NOS1AP: variants seen among roughly 807,000 people sequenced by gnomAD.
NOS1AP encodes carboxyl-terminal PDZ ligand of neuronal nitric oxide synthase protein.
Under a neutral mutation model 56.2 loss-of-function variants are expected in NOS1AP, and 21 were observed. The ratio of observed to expected loss-of-function variants is 0.37; its 90% CI spans 0.26 to 0.54. NOS1AP has a LOEUF of 0.54. Among genes scored for constraint, NOS1AP ranks in the 20% least tolerant of loss-of-function variants. The probability of loss-of-function intolerance (pLI) is 0.84; values close to 1 mark genes in which losing one functional copy is unlikely to be tolerated. For synonymous variants in NOS1AP, 270 were observed against 274.6 expected (o/e 0.98, Z 0.17); for missense variants, 522 against 657.8 (o/e 0.79, Z 2.26).
chr1:162,153,232 A>T (rs2102093569), intron 1 of NOS1AP, among the ~76,000 whole-genome samples: 2 of 152,298 alleles, frequency 1.3e-5, no homozygotes, highest in East Asian at 3.9e-4. Context: ...GGGTTCAAGC[A>T]ATTCTCATGC....
intron 1 of NOS1AP, among the ~76,000 whole-genome samples, chr1:162,073,613 AC>A (rs1691707560): frequency 6.6e-6 from 1 of 152,176 alleles, no homozygotes; most frequent in African/African-American, 2.4e-5. Flanking sequence ...GGCATGCGCC[AC>A]CATGCCCAGC....
intron 2 of NOS1AP, among the ~76,000 whole-genome samples, chr1:162,212,841 G>A (rs568198904): frequency 2.1e-5 from 3 of 145,358 alleles, no homozygotes; most frequent in South Asian, 2.3e-4. Flanking sequence ...GGCTGCTGCC[G>A]TGTAGCTTCT....
At chr1:162,246,327 A>G (rs1653662221) in intron 2 of NOS1AP, among the ~76,000 whole-genome samples, 1 of 152,190 alleles carries the variant, frequency 6.6e-6, no homozygotes, top group African/African-American at 2.4e-5. Context: ...ATGTGCAGGG[A>G]CAGTACAGAG....
At chr1:162,072,002 G>C (rs1259860318) in intron 1 of NOS1AP, among the ~76,000 whole-genome samples, 2 of 152,020 alleles carry the variant, frequency 1.3e-5, no homozygotes, top group African/African-American at 4.8e-5. Flanking sequence ...AGAGACTGCA[G>C]TGAGTTATGA....
At chr1:162,192,014 G>A (rs1651663281) in intron 2 of NOS1AP, among the ~76,000 whole-genome samples, 1 of 152,062 alleles carries the variant, frequency 6.6e-6, no homozygotes, top group Non-Finnish European at 1.5e-5. Flanking sequence ...AGTGTTTTTG[G>A]GCTCCCACCT....
rs778782133 is a variant in NOS1AP, at chr1:162,333,035, T to C, written c.363T>C (p.His121=). Residue 121 remains histidine (H), a synonymous_variant, in exon 5 of 10, where the codon CAT becomes CAC. Coordinates refer to ENST00000361897, the MANE Select transcript of NOS1AP (RefSeq NM_014697.3). ...DPIYRIFYVS[H]DSQDLKIFSY... ...CCTTTAGGATCTTCTATGTCTCTCA[T>C]GATTCCCAAGACTTGAAGATCTTCA... The C allele has an allele frequency of 1.7e-5, 27 of 1,613,270 alleles. No individual in the cohort carries two copies. Among genetic ancestry groups the C allele is most frequent in the Non-Finnish European group, 2.2e-5 (26 of 1,179,296 alleles).
chr1:162,325,637 G>A (rs558913004), intron 4 of NOS1AP, among the ~76,000 whole-genome samples: 24 of 152,100 alleles, frequency 1.6e-4, no homozygotes, highest in South Asian at 1.2e-3. Flanking sequence ...TCACAGTTAG[G>A]CCTCATTTAT....
At chr1:162,203,351 A>G (rs75178658) in intron 2 of NOS1AP, among the ~76,000 whole-genome samples, 3,115 of 152,324 alleles carry the variant, frequency 0.02, 34 homozygotes, top group Middle Eastern at 0.058. Context: ...ATTTTCATCC[A>G]GATTCCACTA....
In NOS1AP at chr1:162,070,102, T is replaced by G; in HGVS notation, c.-76T>G. The G allele has an allele frequency of 8.3e-7, 1 of 1,210,152 alleles. No individual in the cohort carries two copies. The allele number at this position is 1,210,152 out of a possible 1,614,324, so 75.0% of individuals were successfully genotyped here. A position where few individuals can be genotyped will look rare whatever the true frequency, so the allele number is the denominator to read the frequency against. ...CACGCGTCGCCGCGCCCAGCTCCAG[T>G]CTCCCCTCCCCGGGGTCTCGCCAGC... On this transcript the variant is annotated 5_prime_UTR_variant, in exon 1 of 10. Coordinates refer to ENST00000361897, the MANE Select transcript of NOS1AP (RefSeq NM_014697.3).
chr1:162,310,339 G>A (rs755770752), intron 4 of NOS1AP, among the ~76,000 whole-genome samples: 19 of 152,214 alleles, frequency 1.2e-4, no homozygotes, highest in Admixed American at 2.0e-4. Flanking sequence ...AAGGTTGAGT[G>A]TTTTCTCTTC....
intron 2 of NOS1AP, among the ~76,000 whole-genome samples, chr1:162,192,374 A>T (rs1023314160): frequency 3.3e-5 from 5 of 152,106 alleles, no homozygotes; most frequent in Non-Finnish European, 5.9e-5. Context: ...TTCAAAAGGG[A>T]TGATGTATGG....
intron 1 of NOS1AP, among the ~76,000 whole-genome samples, chr1:162,108,888 G>A (rs924656541): frequency 3.9e-5 from 6 of 152,126 alleles, no homozygotes; most frequent in Admixed American, 2.6e-4. Flanking sequence ...AAACATAGAT[G>A]TATTCTCACA....
At chr1:162,342,897 A>G (rs1204624759) in intron 5 of NOS1AP, among the ~76,000 whole-genome samples, 3 of 152,218 alleles carry the variant, frequency 2.0e-5, no homozygotes, top group Non-Finnish European at 4.4e-5. Flanking sequence ...TGGTGGTGGG[A>G]TGCTTGAGGC....
intron 1 of NOS1AP, among the ~76,000 whole-genome samples, chr1:162,078,863 C>T (rs1691828922): frequency 6.6e-6 from 1 of 152,194 alleles, no homozygotes; most frequent in Admixed American, 6.5e-5. Flanking sequence ...GTGGATGTTA[C>T]CAGTCCCACC....
chr1:162,141,062 GTTGT>G (rs1649217054), intron 1 of NOS1AP, among the ~76,000 whole-genome samples: 1 of 152,134 alleles, frequency 6.6e-6, no homozygotes, highest in African/African-American at 2.4e-5. Context: ...CATTCTGTAG[GTTGT>G]TTGTTTACAG....
At chr1:162,206,289 CTT>C (rs894712140) in intron 2 of NOS1AP, among the ~76,000 whole-genome samples, 1 of 151,780 alleles carries the variant, frequency 6.6e-6, no homozygotes, top group Non-Finnish European at 1.5e-5. Flanking sequence ...TTTTTATTCT[CTT>C]GTTTCTGAGT....
At chr1:162,315,309 T>C (rs1656194409) in intron 4 of NOS1AP, among the ~76,000 whole-genome samples, 1 of 152,226 alleles carries the variant, frequency 6.6e-6, no homozygotes, top group African/African-American at 2.4e-5. Flanking sequence ...ACCTCTGGGC[T>C]TGTAGTAGGA....
intron 1 of NOS1AP, among the ~76,000 whole-genome samples, chr1:162,124,251 A>T (rs913856853): frequency 6.6e-6 from 1 of 152,040 alleles, no homozygotes; most frequent in Non-Finnish European, 1.5e-5. Flanking sequence ...CGTACTCACT[A>T]GGTAGTTTTT....
intron 2 of NOS1AP, among the ~76,000 whole-genome samples, chr1:162,159,584 TGGGGAGGCCTTTCCTACCTA>T (rs1282119084): frequency 6.6e-6 from 1 of 152,134 alleles, no homozygotes; most frequent in Non-Finnish European, 1.5e-5. Context: ...ATCCCTTCCT[TGGGGAGGCCTTTCCTACCTA>T]GGTCATCTTG....
Sources: gnomAD v4.1 joint callset for allele counts (sites outside exome capture counted in the v4.1 genomes callset) on GRCh38, gnomAD v4.1.1 for gene constraint, MANE v1.5 for transcripts, NCBI Gene and HGNC (gene_info 2026-07-23, HGNC 2026-07-21) for gene names.